XXYLT1: variants seen among roughly 807,000 people sequenced by gnomAD.
XXYLT1 encodes xyloside xylosyltransferase 1.
In XXYLT1, 20 loss-of-function variants were observed where a neutral mutation model predicts 28.9. The observed-to-expected ratio is 0.69, with a 90% confidence interval of 0.49 to 1.00. XXYLT1 has a LOEUF of 1.00. XXYLT1 is among the 50% of genes least tolerant of loss of function. XXYLT1 has a pLI of 0.00. For missense variants in XXYLT1, 542 were observed against 560.1 expected (o/e 0.97, Z 0.33); for synonymous variants, 257 against 253.8 (o/e 1.01, Z -0.12).
At chr3:195,208,549 C>T (rs1723173001) in intron 2 of XXYLT1, among the ~76,000 whole-genome samples, 2 of 152,108 alleles carry the variant, frequency 1.3e-5, no homozygotes, top group South Asian at 2.1e-4. Flanking sequence ...AGACAACGCT[C>T]GTGACGGGAA....
At chr3:195,139,630 T>A (rs1272509149) in intron 3 of XXYLT1, among the ~76,000 whole-genome samples, 2 of 152,122 alleles carry the variant, frequency 1.3e-5, no homozygotes, top group African/African-American at 4.8e-5. Flanking sequence ...GAAGTAACTG[T>A]GGAATTCTTT....
chr3:195,082,851 C>G (rs1476443900), intron 3 of XXYLT1, among the ~76,000 whole-genome samples: 3 of 151,996 alleles, frequency 2.0e-5, no homozygotes, highest in Non-Finnish European at 4.4e-5. Flanking sequence ...AAAGAAGGAC[C>G]TCTCCCAAAC....
chr3:195,078,268 C>A lies in XXYLT1; in HGVS notation c.786-8157G>T, dbSNP rs1047928383. ...AGGTGGTACGGAATTCTGGAGAGTT[C>A]TGACATTTAGGGCGTGGAAGAAGAG... On this transcript the variant is annotated intron_variant, in intron 3 of 3. Coordinates refer to ENST00000310380, the MANE Select transcript of XXYLT1 (RefSeq NM_152531.5). This position sits in a 1 kb window ranked among gnomAD's most constrained non-coding sequence, Gnocchi z 5.0. Among the ~76,000 whole-genome samples, 1 of 151,996 alleles carries A rather than the reference C, an allele frequency of 6.6e-6. No homozygotes were observed. The highest frequency in any genetic ancestry group is 1.5e-5 in the Non-Finnish European group (1 of 68,008).
chr3:195,231,113 G>A (rs1724281008), intron 1 of XXYLT1, among the ~76,000 whole-genome samples: 1 of 151,802 alleles, frequency 6.6e-6, no homozygotes, highest in Admixed American at 6.6e-5. Flanking sequence ...TTAATCCCTA[G>A]GTATTTTATT....
At chr3:195,103,366 G>GCGGCCTGCGTCCATCACCCCACGCCAC in intron 3 of XXYLT1, among the ~76,000 whole-genome samples, 1 of 149,216 alleles carries the variant, frequency 6.7e-6, no homozygotes. Context: ...CCCCACGCCA[G>GCGGCCTGCGTCCATCACCCCACGCCAC]CGGCCTGCGT....
chr3:195,227,314 T>C (rs1435736064), intron 1 of XXYLT1, among the ~76,000 whole-genome samples: 1 of 152,170 alleles, frequency 6.6e-6, no homozygotes. Flanking sequence ...ATCTGTTCCA[T>C]AGGCCAGTCC....
intron 2 of XXYLT1, among the ~76,000 whole-genome samples, chr3:195,163,020 A>G (rs925662884): frequency 6.6e-6 from 1 of 152,130 alleles, no homozygotes; most frequent in African/African-American, 2.4e-5. Context: ...AAAAGCTTAA[A>G]TTCTTTCCTA....
chr3:195,199,319 G>T (rs1455136702), intron 2 of XXYLT1, among the ~76,000 whole-genome samples: 1 of 152,124 alleles, frequency 6.6e-6, no homozygotes, highest in Non-Finnish European at 1.5e-5. Context: ...CATATAAAAA[G>T]AATCTTTTTG....
At chr3:195,230,935 T>C (rs1365813065) in intron 1 of XXYLT1, among the ~76,000 whole-genome samples, 3 of 152,196 alleles carry the variant, frequency 2.0e-5, no homozygotes, top group African/African-American at 7.2e-5. Context: ...GGTATTTTGA[T>C]TGGGATTGCA....
intron 3 of XXYLT1, among the ~76,000 whole-genome samples, chr3:195,136,727 G>A (rs1448486966): frequency 1.3e-5 from 2 of 152,146 alleles, no homozygotes; most frequent in Admixed American, 1.3e-4. Context: ...AGCACACAAG[G>A]TGAAGTGGGC....
At chr3:195,122,302 C>T (rs1718402216) in intron 3 of XXYLT1, 1 of 620,750 alleles carries the variant, frequency 1.6e-6, no homozygotes, top group Non-Finnish European at 2.9e-6. Flanking sequence ...CCATTGCACC[C>T]CTCAGTAGTC....
At position 195,168,499 on chromosome 3, in the gene XXYLT1, G is replaced by A. The variant is rs1253638958; in HGVS notation, c.653-11918C>T. 6.6e-6 allele frequency among the ~76,000 whole-genome samples: 1 copy of A among 150,934 alleles called. No homozygotes were observed. The highest frequency in any genetic ancestry group is 1.5e-5 in the Non-Finnish European group (1 of 68,010). On this transcript the variant is annotated intron_variant, in intron 2 of 3. Transcript: ENST00000310380. The surrounding 1 kb of genome is among the most constrained non-coding windows in gnomAD (Gnocchi z 4.3). ...TCACTAAATATCCTCTGCTGCCACT[G>A]CTGCAGCTGCTTCCATCCTACCCTG...
Position 195,257,812 on chromosome 3 carries a change from C to G in XXYLT1, c.504+12743G>C, listed in dbSNP as rs961191221. 6.6e-6 allele frequency among the ~76,000 whole-genome samples: 1 copy of G among 152,098 alleles called. No homozygotes were observed. The highest frequency in any genetic ancestry group is 1.5e-5 in the Non-Finnish European group (1 of 68,014). On this transcript the variant is annotated intron_variant, in intron 1 of 3. Coordinates refer to ENST00000310380, the MANE Select transcript of XXYLT1 (RefSeq NM_152531.5). This position sits in a 1 kb window ranked among gnomAD's most constrained non-coding sequence, Gnocchi z 4.3. ...CAGAAGACAGAGCCAGTCTGTGGCT[C>G]CAGCTGCCTGAGTTCCCTCATCTCT...
chr3:195,095,087 A>G (rs1716351247), intron 3 of XXYLT1, among the ~76,000 whole-genome samples: 1 of 152,180 alleles, frequency 6.6e-6, no homozygotes, highest in Non-Finnish European at 1.5e-5. Context: ...TGCAGGCCAC[A>G]CTTTTGAGTA....
At chr3:195,162,499 G>A (rs1720922453) in intron 2 of XXYLT1, among the ~76,000 whole-genome samples, 1 of 152,154 alleles carries the variant, frequency 6.6e-6, no homozygotes, top group African/African-American at 2.4e-5. Context: ...TCATATATTC[G>A]CTGTACAACA....
intron 2 of XXYLT1, among the ~76,000 whole-genome samples, chr3:195,175,436 AC>A (rs1269252966): frequency 6.6e-6 from 1 of 152,214 alleles, no homozygotes; most frequent in African/African-American, 2.4e-5. Flanking sequence ...GGCTCAAGCA[AC>A]CTGTCATTAG....
At chr3:195,200,375 T>C (rs1187467403) in intron 2 of XXYLT1, among the ~76,000 whole-genome samples, 2 of 152,190 alleles carry the variant, frequency 1.3e-5, no homozygotes, top group African/African-American at 4.8e-5. Context: ...CTGCCAAGGG[T>C]GGATTACATG....
intron 2 of XXYLT1, among the ~76,000 whole-genome samples, chr3:195,193,411 T>C (rs914676709): frequency 2.6e-5 from 4 of 151,622 alleles, no homozygotes; most frequent in Admixed American, 6.6e-5. Flanking sequence ...AAGATCTAAA[T>C]AGGTGGAGAG....
At chr3:195,202,868 C>T (rs1722917175) in intron 2 of XXYLT1, among the ~76,000 whole-genome samples, 1 of 152,160 alleles carries the variant, frequency 6.6e-6, no homozygotes, top group South Asian at 2.1e-4. Context: ...CTACAATTCA[C>T]AATGTAGAAA....
Sources: gnomAD v4.1 joint callset for allele counts (sites outside exome capture counted in the v4.1 genomes callset) on GRCh38, gnomAD v4.1.1 for gene constraint, Gnocchi (gnomAD v3.1) non-coding constraint, MANE v1.5 for transcripts, NCBI Gene and HGNC (gene_info 2026-07-23, HGNC 2026-07-21) for gene names.